The following PPM1H variants were observed in gnomAD, a reference collection of about 807,000 sequenced individuals.
PPM1H encodes the protein protein phosphatase 1H.
PPM1H carries 27 observed loss-of-function variants against 54.9 expected under a neutral mutation model. The ratio of observed to expected loss-of-function variants is 0.49; its 90% CI spans 0.36 to 0.68. The LOEUF is 0.68. PPM1H is among the 30% of genes least tolerant of loss of function. The pLI is 0.00. For missense variants in PPM1H, 596 were observed against 667.8 expected (o/e 0.89, Z 1.19); for synonymous variants, 305 against 270.8 (o/e 1.13, Z -1.24).
At chr12:62,904,951 A>G (rs963110068) in intron 1 of PPM1H, among the ~76,000 whole-genome samples, 3 of 152,030 alleles carry the variant, frequency 2.0e-5, no homozygotes, top group African/African-American at 7.2e-5. Flanking sequence ...TTCCCACGCC[A>G]GCAGCATTCA....
intron 1 of PPM1H, among the ~76,000 whole-genome samples, chr12:62,853,924 A>G (rs1260849560): frequency 6.6e-6 from 1 of 152,220 alleles, no homozygotes; most frequent in Non-Finnish European, 1.5e-5. Context: ...TGAAGAATAA[A>G]GACAAAATTC....
chr12:62,732,084 C>T (rs1483682197), intron 5 of PPM1H, among the ~76,000 whole-genome samples: 1 of 152,160 alleles, frequency 6.6e-6, no homozygotes, highest in African/African-American at 2.4e-5. Flanking sequence ...AACCCAGCAA[C>T]AGAAGAGCAA....
At chr12:62,912,945 T>C (rs143059909) in intron 1 of PPM1H, among the ~76,000 whole-genome samples, 1 of 152,310 alleles carries the variant, frequency 6.6e-6, no homozygotes, top group East Asian at 1.9e-4. Flanking sequence ...GTATCCACCA[T>C]GTCCTTTACG....
intron 4 of PPM1H, among the ~76,000 whole-genome samples, chr12:62,764,352 T>C (rs1382203585): frequency 6.6e-6 from 1 of 152,156 alleles, no homozygotes; most frequent in Non-Finnish European, 1.5e-5. Context: ...AGATCATGGC[T>C]GCAAATGCTA....
chr12:62,814,128 G>T (rs1311005124), intron 2 of PPM1H, among the ~76,000 whole-genome samples: 1 of 152,120 alleles, frequency 6.6e-6, no homozygotes, highest in Non-Finnish European at 1.5e-5. Context: ...CACCCAAGCT[G>T]GAGTGCAGTG....
intron 1 of PPM1H, among the ~76,000 whole-genome samples, chr12:62,851,303 A>G (rs372208044): frequency 6.6e-6 from 1 of 152,378 alleles, no homozygotes; most frequent in Middle Eastern, 3.4e-3. Context: ...TGAAGGGGCT[A>G]TCACTGGTTA....
At chr12:62,819,146 T>C (rs960798915) in intron 2 of PPM1H, among the ~76,000 whole-genome samples, 4 of 144,148 alleles carry the variant, frequency 2.8e-5, no homozygotes, top group African/African-American at 7.8e-5. Flanking sequence ...TTTTTTTTTT[T>C]TTGAGATGGA....
chr12:62,861,761 G>C (rs544342539), intron 1 of PPM1H, among the ~76,000 whole-genome samples: 3 of 152,290 alleles, frequency 2.0e-5, no homozygotes, highest in Admixed American at 1.3e-4. Flanking sequence ...CCAGAATGCT[G>C]TATCTAGGGC....
chr12:62,733,939 A>C lies in PPM1H; in HGVS notation c.954+3563T>G, dbSNP rs895021861. On this transcript the variant is annotated intron_variant, in intron 5 of 9. Coordinates refer to ENST00000228705, the MANE Select transcript of PPM1H (RefSeq NM_020700.2). ...AAAAAATTACCCTGGTTTGCAGGCC[A>C]GTGGGATCTTTGCTACCGACTGAAT... Among the ~76,000 whole-genome samples, 4 of 152,140 alleles carry C rather than the reference A, an allele frequency of 2.6e-5. No homozygotes were observed. The East Asian group carries it at 7.7e-4, about 29-fold the overall frequency.
intron 1 of PPM1H, among the ~76,000 whole-genome samples, chr12:62,901,370 T>C (rs1373044122): frequency 6.6e-6 from 1 of 152,204 alleles, no homozygotes; most frequent in Non-Finnish European, 1.5e-5. Context: ...TGAATATCAT[T>C]AATAATGGAA....
At chr12:62,679,741 C>T (rs2076008245) in intron 8 of PPM1H, among the ~76,000 whole-genome samples, 2 of 152,142 alleles carry the variant, frequency 1.3e-5, no homozygotes, top group Non-Finnish European at 2.9e-5. Flanking sequence ...AACAGCCTGT[C>T]TACATTTTCC....
intron 4 of PPM1H, among the ~76,000 whole-genome samples, chr12:62,742,170 A>G (rs2076385166): frequency 6.6e-6 from 1 of 152,232 alleles, no homozygotes; most frequent in South Asian, 2.1e-4. Context: ...GCGTTCCATT[A>G]CAATATGACT....
intron 8 of PPM1H, among the ~76,000 whole-genome samples, chr12:62,681,867 A>G (rs1386030006): frequency 2.6e-5 from 4 of 152,242 alleles, no homozygotes; most frequent in African/African-American, 7.2e-5. Flanking sequence ...GTAATGGAGT[A>G]GGAAGAAGAG....
chr12:62,807,875 T>A (rs1256948474), intron 2 of PPM1H, among the ~76,000 whole-genome samples: 1 of 152,186 alleles, frequency 6.6e-6, no homozygotes, highest in Non-Finnish European at 1.5e-5. Flanking sequence ...TCTTGCTCTG[T>A]CACCCAGGCT....
chr12:62,883,248 C>A (rs1437357496), intron 1 of PPM1H, among the ~76,000 whole-genome samples: 1 of 152,088 alleles, frequency 6.6e-6, no homozygotes, highest in South Asian at 2.1e-4. Context: ...CCTCTGAACA[C>A]AGGATGCTGA....
intron 4 of PPM1H, among the ~76,000 whole-genome samples, chr12:62,740,065 A>C (rs1202620824): frequency 6.6e-6 from 1 of 152,224 alleles, no homozygotes; most frequent in Non-Finnish European, 1.5e-5. Flanking sequence ...ATTCTGTTTA[A>C]AATCAAAGTA....
At chr12:62,882,895 G>GGTAT (rs1449638026) in intron 1 of PPM1H, among the ~76,000 whole-genome samples, 1 of 151,994 alleles carries the variant, frequency 6.6e-6, no homozygotes, top group Non-Finnish European at 1.5e-5. Context: ...GCTTCTGCTT[G>GGTAT]GTATGGCCAC....
chr12:62,680,135 T>C (rs1432683576), intron 8 of PPM1H, among the ~76,000 whole-genome samples: 1 of 152,180 alleles, frequency 6.6e-6, no homozygotes, highest in Non-Finnish European at 1.5e-5. Flanking sequence ...ACAGTGATGA[T>C]GTTCTGGGAC....
At chr12:62,814,897 T>C (rs942933000) in intron 2 of PPM1H, among the ~76,000 whole-genome samples, 2 of 152,236 alleles carry the variant, frequency 1.3e-5, no homozygotes, top group Admixed American at 6.5e-5. Flanking sequence ...TGTGATTATA[T>C]GGTTTGATTT....
Sources: allele counts gnomAD v4.1 joint callset (sites outside exome capture counted in the v4.1 genomes callset), GRCh38; gene constraint gnomAD v4.1.1; transcripts MANE v1.5; gene names NCBI Gene and HGNC (gene_info 2026-07-23, HGNC 2026-07-21).